Variants in SETD2 observed in about 807,000 individuals in gnomAD.
SETD2 encodes histone-lysine N-methyltransferase SETD2.
In SETD2, 31 loss-of-function variants were observed where a neutral mutation model predicts 242.1. The observed-to-expected ratio is 0.13, with a 90% CI of 0.10 to 0.17. SETD2 has a LOEUF of 0.17. Ranked by LOEUF, SETD2 falls within the 10% of genes least tolerant of loss-of-function variation. The pLI is 1.00. For synonymous variants in SETD2, 1,006 were observed against 1,066.5 expected (o/e 0.94, Z 1.11); for missense variants, 2,481 against 3,046.3 (o/e 0.81, Z 4.37).
At chr3:47,114,066 G>A (rs1418685872) in intron 4 of SETD2, 62 bp from the exon 5 acceptor site, 11 of 1,529,216 alleles carry the variant, frequency 7.2e-6, no homozygotes, top group Non-Finnish European at 9.8e-6. Flanking sequence ...AAGTAACTTT[G>A]AAAAAATGTG....
At chr3:47,034,732 T>C (rs969743722) in intron 18 of SETD2, among the ~76,000 whole-genome samples, 1 of 152,182 alleles carries the variant, frequency 6.6e-6, no homozygotes, top group Non-Finnish European at 1.5e-5. Context: ...ACTTAACATA[T>C]AATACCGTAC....
At chr3:47,030,454 C>A (rs1046093598) in intron 18 of SETD2, among the ~76,000 whole-genome samples, 2 of 151,918 alleles carry the variant, frequency 1.3e-5, no homozygotes, top group Non-Finnish European at 2.9e-5. Flanking sequence ...CAGTATCAAG[C>A]GGTTTAATAA....
chr3:47,104,940 T>G (rs1016018555), intron 6 of SETD2, among the ~76,000 whole-genome samples: 2 of 152,124 alleles, frequency 1.3e-5, no homozygotes, highest in African/African-American at 4.8e-5. Flanking sequence ...GTTAATTTTT[T>G]TTTGTTTTTG....
At position 47,124,462 on chromosome 3, in the gene SETD2, G is replaced by A; in HGVS notation, c.174C>T (p.Gly58=). The A allele has an allele frequency of 6.4e-7, 1 of 1,551,778 alleles. No individual in the cohort carries two copies. The highest frequency in any genetic ancestry group is 1.2e-5 in the South Asian group (1 of 84,062). ...CTTCCAAATTAACTTTTGTTTTGGT[G>A]CCTTTGGGCAAAAATCGACTAGAAG... ...GVASSRFLPK[G]TKTKVNLEEQ... The change falls in exon 3 of 21, where the codon GGC becomes GGT. Residue 58 remains glycine, a synonymous_variant. Transcript: ENST00000409792.
intron 1 of SETD2, among the ~76,000 whole-genome samples, chr3:47,131,013 T>C (rs2043462863): frequency 6.6e-6 from 1 of 152,082 alleles, no homozygotes; most frequent in Non-Finnish European, 1.5e-5. Context: ...TCTCTCAGGC[T>C]AGGACATTAG....
In SETD2 at chr3:47,017,352, G is replaced by T; in HGVS notation, c.7534-98C>A. On this transcript the variant is annotated intron_variant, in intron 20 of 20. Coordinates refer to ENST00000409792, the MANE Select transcript of SETD2 (RefSeq NM_014159.7). This position sits in a 1 kb window ranked among gnomAD's most constrained non-coding sequence, Gnocchi z 4.8. The stretch of plus-strand genomic sequence containing the variant: ...TGGTAATCCAGCCTGCTGCTTCAGG[G>T]CCCTTCTCACCAAGACAGGAAGTTA... 7.5e-7 allele frequency: 1 copy of T among 1,329,918 alleles called. No homozygotes were observed. Among genetic ancestry groups the T allele is most frequent in the Non-Finnish European group, 1.0e-6 (1 of 957,482 alleles). 82.4% of individuals were successfully genotyped at this position (1,329,918 alleles called of 1,614,324 possible).
chr3:47,148,092 T>G (rs574630706), intron 1 of SETD2, among the ~76,000 whole-genome samples: 7 of 137,094 alleles, frequency 5.1e-5, no homozygotes, highest in Middle Eastern at 3.4e-3. Flanking sequence ...CAACTGAAAC[T>G]TGTTTTTTTG....
intron 12 of SETD2, among the ~76,000 whole-genome samples, chr3:47,072,969 AG>A (rs2040890317): frequency 1.3e-5 from 2 of 150,942 alleles, no homozygotes; most frequent in Non-Finnish European, 3.0e-5. Context: ...AAAGAAAGAA[AG>A]AAAGAAAAAA....
chr3:47,140,991 G>A (rs1428057525), intron 1 of SETD2, among the ~76,000 whole-genome samples: 2 of 151,978 alleles, frequency 1.3e-5, no homozygotes, highest in Non-Finnish European at 2.9e-5. Flanking sequence ...CTCTAAGCTC[G>A]CTTGGTTAAT....
At chr3:47,160,268 A>G (rs1381006510) in intron 1 of SETD2, among the ~76,000 whole-genome samples, 1 of 151,782 alleles carries the variant, frequency 6.6e-6, no homozygotes, top group Non-Finnish European at 1.5e-5. Context: ...TTTCCAAAGC[A>G]CTTACCTTTG....
At chr3:47,081,120 C>G (rs2041298211) in intron 12 of SETD2, 1 of 980,222 alleles carries the variant, frequency 1.0e-6, no homozygotes, top group African/African-American at 1.7e-5. Context: ...GGGGGATCAT[C>G]ATCAGATCTG....
rs534195879 is a variant in SETD2 at position 47,123,725 on chromosome 3, T to G, written c.911A>C (p.Lys304Thr). ...DSSKISLSCKKTGSKKKSSQS... is the reference protein window; with the variant it reads ...DSSKISLSCKTTGSKKKSSQS... Reference sequence around the variant, plus strand: ...TGAGGATTTCTTCTTAGAACCTGTTTTTTTACAGCTCAGACTAATCTTAGA... The same window carrying G: ...TGAGGATTTCTTCTTAGAACCTGTTGTTTTACAGCTCAGACTAATCTTAGA... Residue 304 changes from lysine to threonine, a missense_variant, in exon 3 of 21, where the codon AAA (lysine) becomes ACA (threonine). Transcript: ENST00000409792. 11 of 1,551,342 alleles carry G rather than the reference T, an allele frequency of 7.1e-6. No homozygotes were observed. The highest frequency in any genetic ancestry group is 4.9e-5 in the East Asian group (2 of 40,906).
chr3:47,058,671 A>T (rs1299200327), intron 14 of SETD2, among the ~76,000 whole-genome samples: 1 of 152,096 alleles, frequency 6.6e-6, no homozygotes, highest in African/African-American at 2.4e-5. Context: ...GGCAAATTCA[A>T]ATGCTATATA....
In SETD2 at chr3:47,122,602, C is replaced by A. The variant is rs2106682628; in HGVS notation, c.2034G>T (p.Gly678=). The A allele has an allele frequency of 6.2e-7, 1 of 1,614,004 alleles. No individual in the cohort carries two copies. The highest frequency in any genetic ancestry group is 2.2e-5 in the East Asian group (1 of 44,872). Residue 678 remains glycine, a synonymous_variant, in exon 3 of 21, where the codon GGG becomes GGT. Coordinates refer to ENST00000409792, the MANE Select transcript of SETD2 (RefSeq NM_014159.7). The part of the protein sequence containing the change: ...PIELNINGSP[G]AESDLATFCT... ...AAAATGTTGCCAAATCAGATTCTGCCCCAGGAGATCCATTTATATTTAATT... is the reference window on the plus strand; with the variant it reads ...AAAATGTTGCCAAATCAGATTCTGCACCAGGAGATCCATTTATATTTAATT...
chr3:47,161,334 T>A (rs1697483574), intron 1 of SETD2, among the ~76,000 whole-genome samples: 1 of 152,172 alleles, frequency 6.6e-6, no homozygotes, highest in African/African-American at 2.4e-5. Context: ...TTCAGAGAGA[T>A]GAAGTCATCG....
chr3:47,126,372 A>G (rs1246202805), intron 2 of SETD2, among the ~76,000 whole-genome samples: 4 of 152,234 alleles, frequency 2.6e-5, no homozygotes, highest in African/African-American at 9.6e-5. Flanking sequence ...TCAATACATA[A>G]AAAACAAGTA....
At chr3:47,049,515 GGT>G (rs1300505189) in intron 15 of SETD2, among the ~76,000 whole-genome samples, 2 of 146,594 alleles carry the variant, frequency 1.4e-5, no homozygotes, top group African/African-American at 4.9e-5. Flanking sequence ...TGGGACTACA[GGT>G]GCCCACCACC....
intron 6 of SETD2, among the ~76,000 whole-genome samples, chr3:47,104,673 C>A (rs577126976): frequency 1.4e-4 from 22 of 152,246 alleles, no homozygotes. Flanking sequence ...AAAAGCAAAA[C>A]AACATACAAG....
intron 2 of SETD2, among the ~76,000 whole-genome samples, chr3:47,124,912 A>G (rs557533328): frequency 6.6e-6 from 1 of 152,280 alleles, no homozygotes; most frequent in South Asian, 2.1e-4. Context: ...ATAAAGGGCA[A>G]TATCTAACAT....
Sources: gnomAD v4.1 joint callset for allele counts (sites outside exome capture counted in the v4.1 genomes callset) on GRCh38, gnomAD v4.1.1 for gene constraint, Gnocchi (gnomAD v3.1) non-coding constraint, MANE v1.5 for transcripts, NCBI Gene and HGNC (gene_info 2026-07-23, HGNC 2026-07-21) for gene names.